Variants in UNC13C observed in about 807,000 individuals in gnomAD.
The protein encoded by UNC13C is unc-13 homolog C.
A neutral mutation model predicts 245.4 loss-of-function variants in UNC13C; 174 were observed. The observed-to-expected ratio is 0.71, with a 90% CI of 0.63 to 0.80. The LOEUF is 0.80. UNC13C is among the 30% of genes least tolerant of loss of function. The pLI is 0.00. For synonymous variants in UNC13C, 992 were observed against 895.1 expected (o/e 1.11, Z -1.93); for missense variants, 2,829 against 2,602.9 (o/e 1.09, Z -1.89).
chr15:53,984,391 T>C lies in UNC13C; in HGVS notation c.-257+5464T>C, dbSNP rs1181581251. On this transcript the variant is annotated intron_variant, in intron 1 of 32. Coordinates refer to ENST00000260323, the MANE Select transcript of UNC13C (RefSeq NM_001080534.3). The stretch of plus-strand genomic sequence containing the variant: ...ATGCATCATACACTGTCTTATGAGA[T>C]TTCTTCTTTGGTCTTGGATTACAGT... Among the ~76,000 whole-genome samples, 4 of 152,246 alleles carry C rather than the reference T, an allele frequency of 2.6e-5. No individual in the cohort carries two copies. In the East Asian group the frequency reaches 7.7e-4, roughly 29 times the overall value.
chr15:53,950,599 T>G, the UNC13C span, among the ~76,000 whole-genome samples: 1 of 152,170 alleles, frequency 6.6e-6, no homozygotes. Context: ...TGTTTTATAT[T>G]TAATTTTAGA....
At chr15:54,244,155 A>G (rs926132843) in intron 7 of UNC13C, among the ~76,000 whole-genome samples, 6 of 152,120 alleles carry the variant, frequency 3.9e-5, no homozygotes, top group East Asian at 3.9e-4. Flanking sequence ...TAATTTTTGT[A>G]TATGATGTAA....
At chr15:54,176,408 C>T (rs1233104457) in intron 4 of UNC13C, among the ~76,000 whole-genome samples, 1 of 152,098 alleles carries the variant, frequency 6.6e-6, no homozygotes, top group East Asian at 1.9e-4. Flanking sequence ...CTTTATTCCT[C>T]AATCTTTCTA....
intron 4 of UNC13C, among the ~76,000 whole-genome samples, chr15:54,225,090 C>CT (rs1229692970): frequency 4.7e-4 from 37 of 78,370 alleles, no homozygotes; most frequent in Non-Finnish European, 7.3e-4. Flanking sequence ...TTTTCAATAG[C>CT]TTTTTTTCAT....
At chr15:54,445,616 A>G (rs947765964) in intron 19 of UNC13C, among the ~76,000 whole-genome samples, 1 of 152,192 alleles carries the variant, frequency 6.6e-6, no homozygotes, top group South Asian at 2.1e-4. Context: ...GTCTGTTCAT[A>G]TCCTCTGCCC....
At chr15:54,058,906 CA>C (rs1897667516) in intron 2 of UNC13C, among the ~76,000 whole-genome samples, 1 of 152,170 alleles carries the variant, frequency 6.6e-6, no homozygotes, top group Non-Finnish European at 1.5e-5. Context: ...TGACAAAATT[CA>C]ACAACGCTTC....
chr15:54,063,533 A>G (rs1355999574), intron 2 of UNC13C, among the ~76,000 whole-genome samples: 3 of 151,960 alleles, frequency 2.0e-5, no homozygotes, highest in Non-Finnish European at 4.4e-5. Context: ...TAACATCCTC[A>G]CTTACTTCTC....
chr15:53,971,470 A>G, the UNC13C span, among the ~76,000 whole-genome samples: 8 of 152,184 alleles, frequency 5.3e-5, no homozygotes, highest in African/African-American at 1.9e-4. Flanking sequence ...AAACTTCAGT[A>G]TGATGAAGGA....
chr15:54,132,951 T>C (rs950703428), intron 2 of UNC13C, among the ~76,000 whole-genome samples: 3 of 152,250 alleles, frequency 2.0e-5, no homozygotes, highest in African/African-American at 7.2e-5. Flanking sequence ...AAGTGTGTTA[T>C]AATAGAGGTA....
intron 30 of UNC13C, among the ~76,000 whole-genome samples, chr15:54,598,257 T>A (rs1040911037): frequency 6.6e-6 from 1 of 152,194 alleles, no homozygotes; most frequent in African/African-American, 2.4e-5. Flanking sequence ...CACACCCGGC[T>A]AATTTTTGTG....
At position 54,054,422 on chromosome 15, in the gene UNC13C, G is replaced by C. The variant is rs79194258; in HGVS notation, c.2983+38536G>C. Among the ~76,000 whole-genome samples, 272 of 152,246 alleles carry C rather than the reference G, an allele frequency of 1.8e-3. 3 individuals are homozygous for C. The highest frequency in any genetic ancestry group is 6.2e-3 in the African/African-American group (258 of 41,558). ...TAATACCTATCTTAAGGCTGCCCTC[G>C]TTAAATTGTCACAGGATGATTTCCT... On this transcript the variant is annotated intron_variant, in intron 2 of 32. Coordinates refer to ENST00000260323, the MANE Select transcript of UNC13C (RefSeq NM_001080534.3).
chr15:54,446,078 G>A (rs1046808265), intron 19 of UNC13C, among the ~76,000 whole-genome samples: 9 of 152,090 alleles, frequency 5.9e-5, no homozygotes, highest in Admixed American at 1.3e-4. Context: ...GTTTTTGTCA[G>A]GTTTGTCAGA....
At chr15:53,929,276 C>T in the UNC13C span, among the ~76,000 whole-genome samples, 2 of 152,096 alleles carry the variant, frequency 1.3e-5, no homozygotes, top group Non-Finnish European at 2.9e-5. Flanking sequence ...CAATTACCTC[C>T]CAGTAGGTCA....
At chr15:54,136,936 A>C (rs967800576) in intron 2 of UNC13C, among the ~76,000 whole-genome samples, 1 of 151,762 alleles carries the variant, frequency 6.6e-6, no homozygotes, top group Non-Finnish European at 1.5e-5. Context: ...CAATATTCTC[A>C]ATCAGTCCTC....
At chr15:54,594,600 G>C (rs1304700299) in intron 30 of UNC13C, among the ~76,000 whole-genome samples, 2 of 152,092 alleles carry the variant, frequency 1.3e-5, no homozygotes, top group African/African-American at 4.8e-5. Flanking sequence ...GGTTGTCAGG[G>C]AAGTGGGGGA....
chr15:53,875,525 G>C, the UNC13C span, among the ~76,000 whole-genome samples: 19 of 152,070 alleles, frequency 1.2e-4, no homozygotes, highest in African/African-American at 4.6e-4. Context: ...TAGATCAGGG[G>C]TGAAGATTTT....
At chr15:54,039,101 A>T (rs1896708692) in intron 2 of UNC13C, among the ~76,000 whole-genome samples, 1 of 152,154 alleles carries the variant, frequency 6.6e-6, no homozygotes, top group South Asian at 2.1e-4. Flanking sequence ...TTTAGAAGAC[A>T]TTGTGCCCCC....
intron 19 of UNC13C, among the ~76,000 whole-genome samples, chr15:54,427,677 ATAAT>A (rs1232694436): frequency 6.6e-6 from 1 of 151,856 alleles, no homozygotes; most frequent in African/African-American, 2.4e-5. Context: ...ATTTTACATA[ATAAT>A]TAACCAAAAT....
chr15:54,140,134 T>A (rs2031945197), intron 2 of UNC13C, among the ~76,000 whole-genome samples: 1 of 152,178 alleles, frequency 6.6e-6, no homozygotes, highest in Non-Finnish European at 1.5e-5. Flanking sequence ...ATTTTAGATA[T>A]TTTTACTTGT....
Sources: gnomAD v4.1 joint callset for allele counts (sites outside exome capture counted in the v4.1 genomes callset) on GRCh38, gnomAD v4.1.1 for gene constraint, MANE v1.5 for transcripts, NCBI Gene and HGNC (gene_info 2026-07-23, HGNC 2026-07-21) for gene names.